PCDHA8: variants seen among roughly 807,000 people sequenced by gnomAD.
PCDHA8 encodes protocadherin alpha 8.
PCDHA8 carries 53 observed loss-of-function variants against 61.8 expected under a neutral mutation model. The ratio of observed to expected loss-of-function variants is 0.86; its 90% CI spans 0.69 to 1.08. The LOEUF is 1.08. PCDHA8 is among the 50% of genes least tolerant of loss of function. PCDHA8 has a pLI of 0.00. For synonymous variants in PCDHA8, 618 were observed against 556.6 expected (o/e 1.11, Z -1.55); for missense variants, 1,293 against 1,245.0 (o/e 1.04, Z -0.58).
At chr5:140,876,531 T>G in intron 1 of PCDHA8, 1 of 1,614,200 alleles carries the variant, frequency 6.2e-7, no homozygotes, top group South Asian at 1.1e-5. Flanking sequence ...TAATGGTTAC[T>G]TCACTGTCGC....
chr5:140,848,986 AGAACGCC>A (rs2040724980), intron 1 of PCDHA8: 1 of 1,597,958 alleles, frequency 6.3e-7, no homozygotes, highest in African/African-American at 1.4e-5. Flanking sequence ...GATATCGGGG[AGAACGCC>A]CTGCTCACTT....
At chr5:140,978,713 A>G (rs2096819329) in intron 1 of PCDHA8, among the ~76,000 whole-genome samples, 1 of 152,272 alleles carries the variant, frequency 6.6e-6, no homozygotes, top group Admixed American at 6.5e-5. Flanking sequence ...GGCCTTTACA[A>G]GATTATTAAA....
intron 1 of PCDHA8, chr5:140,862,291 C>A (rs1029513176): frequency 7.5e-6 from 2 of 265,238 alleles, no homozygotes; most frequent in Admixed American, 4.8e-5. Flanking sequence ...TACAGGAGGA[C>A]GCTCCACTGG....
chr5:140,871,873 A>G (rs529401892), intron 1 of PCDHA8, among the ~76,000 whole-genome samples: 44 of 152,336 alleles, frequency 2.9e-4, no homozygotes, highest in African/African-American at 1.0e-3. Flanking sequence ...GATTATTTAA[A>G]TTTGCTCCTC....
chr5:140,863,521 G>T, intron 1 of PCDHA8: 1 of 397,734 alleles, frequency 2.5e-6, no homozygotes, highest in Non-Finnish European at 4.9e-6. Context: ...GTTCTCCCAT[G>T]GTTCAGATTT....
At chr5:140,848,891 G>A in intron 1 of PCDHA8, 1 of 1,600,726 alleles carries the variant, frequency 6.2e-7, no homozygotes, top group South Asian at 1.1e-5. Flanking sequence ...ACCCTCCAGT[G>A]TTCCCAGCGA....
intron 1 of PCDHA8, among the ~76,000 whole-genome samples, chr5:140,959,996 A>T (rs1042631849): frequency 3.3e-5 from 5 of 152,228 alleles, no homozygotes; most frequent in Admixed American, 6.5e-5. Context: ...GATATGAAAT[A>T]CAAATCTATT....
At chr5:141,002,934 C>A (rs1318656602) in intron 3 of PCDHA8, among the ~76,000 whole-genome samples, 2 of 152,172 alleles carry the variant, frequency 1.3e-5, no homozygotes, top group Non-Finnish European at 2.9e-5. Flanking sequence ...CCTCCAACAC[C>A]CTCCAGCACA....
At chr5:140,967,272 T>C in intron 1 of PCDHA8, 2 of 1,613,412 alleles carry the variant, frequency 1.2e-6, no homozygotes, top group Non-Finnish European at 1.7e-6. Flanking sequence ...CGCTTTCACA[T>C]AGAGAGTGCG....
Position 140,869,844 on chromosome 5 carries a change from T to C in PCDHA8, c.2394+26129T>C, listed in dbSNP as rs782664707. The C allele has an allele frequency of 1.3e-5, 21 of 1,611,376 alleles. No individual in the cohort carries two copies. The South Asian group carries it at 1.7e-4, about 13-fold the overall frequency. ...ATCCAGAGTTTGATAAATCAGAATA[T>C]AAGGTGAGCCTTATGGAAAATGCTG... On this transcript the variant is annotated intron_variant, in intron 1 of 3. Transcript: ENST00000531613.
At chr5:140,881,791 T>C (rs1487248430) in intron 1 of PCDHA8, among the ~76,000 whole-genome samples, 9 of 152,204 alleles carry the variant, frequency 5.9e-5, no homozygotes, top group Admixed American at 5.9e-4. Context: ...CGATCAATTG[T>C]CCCAAAACGA....
chr5:141,005,701 CAAAAAAAAAAA>C (rs59860837), intron 3 of PCDHA8, among the ~76,000 whole-genome samples: 24 of 7,788 alleles, frequency 3.1e-3, no homozygotes, highest in African/African-American at 7.5e-3. Flanking sequence ...AACTCCGTCT[CAAAAAAAAAAA>C]AAAAAAAAAA....
chr5:140,902,316 G>C (rs2069370797), intron 1 of PCDHA8, among the ~76,000 whole-genome samples: 1 of 151,402 alleles, frequency 6.6e-6, no homozygotes, highest in Non-Finnish European at 1.5e-5. Context: ...GGGATTACAG[G>C]TGTAACTCAC....
At chr5:141,001,032 TTTAA>T (rs1332637304) in intron 3 of PCDHA8, among the ~76,000 whole-genome samples, 3 of 152,348 alleles carry the variant, frequency 2.0e-5, no homozygotes, top group Middle Eastern at 3.4e-3. Flanking sequence ...TAATAATAGC[TTTAA>T]TTAATTGTAA....
At chr5:140,931,246 C>A (rs2087398062) in intron 1 of PCDHA8, among the ~76,000 whole-genome samples, 1 of 152,114 alleles carries the variant, frequency 6.6e-6, no homozygotes, top group East Asian at 1.9e-4. Flanking sequence ...ACTTTTCCTA[C>A]CAAGAAATTT....
At chr5:140,897,566 A>C (rs1461105293) in intron 1 of PCDHA8, among the ~76,000 whole-genome samples, 1 of 151,760 alleles carries the variant, frequency 6.6e-6, no homozygotes, top group Non-Finnish European at 1.5e-5. Flanking sequence ...TATGTGCCAC[A>C]TTTTCTTAAT....
chr5:140,899,995 A>G (rs1449060467), intron 1 of PCDHA8, among the ~76,000 whole-genome samples: 1 of 151,872 alleles, frequency 6.6e-6, no homozygotes, highest in Non-Finnish European at 1.5e-5. Context: ...TTTTTTGTAG[A>G]GATGAGGTCT....
intron 1 of PCDHA8, chr5:140,966,789 C>G (rs782194817): frequency 6.5e-7 from 1 of 1,528,572 alleles, no homozygotes; most frequent in East Asian, 2.4e-5. Context: ...GGCACCAGAC[C>G]TGCGGCGACA....
intron 1 of PCDHA8, among the ~76,000 whole-genome samples, chr5:140,921,258 G>C (rs537231615): frequency 6.6e-6 from 1 of 151,824 alleles, no homozygotes; most frequent in South Asian, 2.1e-4. Flanking sequence ...AAAAGTCCTA[G>C]ACTTTTATAC....
Sources: allele counts gnomAD v4.1 joint callset (sites outside exome capture counted in the v4.1 genomes callset), GRCh38; gene constraint gnomAD v4.1.1; transcripts MANE v1.5; gene names NCBI Gene and HGNC (gene_info 2026-07-23, HGNC 2026-07-21).